Variants in CCDC6 observed in about 807,000 individuals in gnomAD.
The protein encoded by CCDC6 is coiled-coil domain-containing protein 6.
Under a neutral mutation model 56.6 loss-of-function variants are expected in CCDC6, and 20 were observed. The ratio of observed to expected loss-of-function variants is 0.35; its 90% CI spans 0.25 to 0.51. The LOEUF (loss-of-function observed/expected upper bound fraction) is 0.51. Among genes scored for constraint, CCDC6 ranks in the 20% least tolerant of loss-of-function variants. CCDC6 has a pLI of 0.95. For synonymous variants in CCDC6, 241 were observed against 234.4 expected (o/e 1.03, Z -0.26); for missense variants, 367 against 601.1 (o/e 0.61, Z 4.07).
At position 59,871,212 on chromosome 10, in the gene CCDC6, A is replaced by T. The variant is rs535266437; in HGVS notation, c.304-18510T>A. ...TTATGTATATAATTGTAAATATTTTAAAAATTAATAGAACTGTGTCTAAGA... is the reference window on the plus strand; with the variant it reads ...TTATGTATATAATTGTAAATATTTTTAAAATTAATAGAACTGTGTCTAAGA... On this transcript the variant is annotated intron_variant, in intron 1 of 8. Coordinates refer to ENST00000263102, the MANE Select transcript of CCDC6 (RefSeq NM_005436.5). Among the ~76,000 whole-genome samples the T allele has an allele frequency of 3.9e-5, 6 of 152,268 alleles. No individual in the cohort carries two copies. The East Asian group carries it at 1.2e-3, about 29-fold the overall frequency.
At chr10:59,865,979 G>A (rs2071173779) in intron 1 of CCDC6, among the ~76,000 whole-genome samples, 1 of 151,974 alleles carries the variant, frequency 6.6e-6, no homozygotes, top group African/African-American at 2.4e-5. Flanking sequence ...ACATGGGCAG[G>A]GTGAACCTCA....
At chr10:59,848,724 C>G (rs1025895070) in intron 2 of CCDC6, among the ~76,000 whole-genome samples, 2 of 152,146 alleles carry the variant, frequency 1.3e-5, no homozygotes, top group Non-Finnish European at 2.9e-5. Context: ...ATAATAAATT[C>G]TTTCTTTGAG....
intron 1 of CCDC6, among the ~76,000 whole-genome samples, chr10:59,880,848 T>C (rs373587545): frequency 1.4e-4 from 21 of 152,172 alleles, no homozygotes; most frequent in African/African-American, 4.8e-4. Flanking sequence ...TTACTGCTTG[T>C]ATTTAGCCTG....
intron 2 of CCDC6, among the ~76,000 whole-genome samples, chr10:59,833,354 CAA>C (rs1222022385): frequency 6.6e-6 from 1 of 152,046 alleles, no homozygotes; most frequent in Non-Finnish European, 1.5e-5. Context: ...GAGGCTGAGA[CAA>C]GAGAATCGCT....
chr10:59,815,941 T>C (rs1159944342), intron 3 of CCDC6, among the ~76,000 whole-genome samples: 6 of 152,152 alleles, frequency 3.9e-5, no homozygotes, highest in South Asian at 2.1e-4. Context: ...GAAAATAATA[T>C]CCAAAGTGCG....
intron 1 of CCDC6, among the ~76,000 whole-genome samples, chr10:59,898,531 A>G (rs901308910): frequency 2.6e-5 from 4 of 152,178 alleles, no homozygotes; most frequent in African/African-American, 9.7e-5. Flanking sequence ...TCCTGCATCC[A>G]TGTGTGTGTT....
intron 1 of CCDC6, among the ~76,000 whole-genome samples, chr10:59,890,381 C>T (rs549064088): frequency 1.1e-4 from 16 of 152,124 alleles, no homozygotes; most frequent in South Asian, 4.1e-4. Context: ...CAAAGAGCCC[C>T]GCAAAAGGAG....
chr10:59,896,284 GT>G (rs1200507594), intron 1 of CCDC6, among the ~76,000 whole-genome samples: 1 of 152,198 alleles, frequency 6.6e-6, no homozygotes, highest in East Asian at 1.9e-4. Flanking sequence ...TCTGTGAAGT[GT>G]TGGGGGTAAG....
chr10:59,876,091 T>TTTTTTTTTTTTTTTTC (rs1564754331), intron 1 of CCDC6, among the ~76,000 whole-genome samples: 26 of 146,272 alleles, frequency 1.8e-4, no homozygotes, highest in African/African-American at 6.7e-4. Context: ...TTTTTTTTTT[T>TTTTTTTTTTTTTTTTC]CAGATCGAGT....
intron 6 of CCDC6, among the ~76,000 whole-genome samples, chr10:59,805,956 C>T (rs2070618901): frequency 6.6e-6 from 1 of 152,140 alleles, no homozygotes; most frequent in South Asian, 2.1e-4. Flanking sequence ...TTGGACAGCA[C>T]GTATTGGCAT....
intron 1 of CCDC6, among the ~76,000 whole-genome samples, chr10:59,870,307 T>A (rs1192130528): frequency 2.0e-5 from 3 of 152,196 alleles, no homozygotes; most frequent in Non-Finnish European, 4.4e-5. Context: ...TTCAAAGCAC[T>A]GAGTCAAGTT....
At chr10:59,800,373 T>G (rs1448928562) in intron 7 of CCDC6, among the ~76,000 whole-genome samples, 1 of 152,244 alleles carries the variant, frequency 6.6e-6, no homozygotes, top group African/African-American at 2.4e-5. Flanking sequence ...TTTGTCACTT[T>G]GTGAATGTTG....
At chr10:59,808,390 A>G (rs1352703966) in intron 5 of CCDC6, among the ~76,000 whole-genome samples, 1 of 152,114 alleles carries the variant, frequency 6.6e-6, no homozygotes, top group African/African-American at 2.4e-5. Context: ...AAAAAGAAAA[A>G]CACGTCTTCC....
chr10:59,888,371 C>G (rs1052529641), intron 1 of CCDC6, among the ~76,000 whole-genome samples: 1 of 152,246 alleles, frequency 6.6e-6, no homozygotes, highest in Non-Finnish European at 1.5e-5. Context: ...CTGCTTCACA[C>G]AGGTGAAGTG....
At chr10:59,874,118 A>AACAC (rs55812153) in intron 1 of CCDC6, among the ~76,000 whole-genome samples, 1,698 of 148,296 alleles carry the variant, frequency 0.011, 13 homozygotes, top group East Asian at 0.019. Context: ...TTACCTAGCA[A>AACAC]ACACACACAC....
intron 1 of CCDC6, among the ~76,000 whole-genome samples, chr10:59,859,317 G>A (rs1292992655): frequency 6.6e-6 from 1 of 151,600 alleles, no homozygotes; most frequent in African/African-American, 2.4e-5. Context: ...AGTTATAGCA[G>A]AAACAATCTA....
chr10:59,902,568 G>A (rs774681753), intron 1 of CCDC6, among the ~76,000 whole-genome samples: 1 of 151,760 alleles, frequency 6.6e-6, no homozygotes, highest in Non-Finnish European at 1.5e-5. Flanking sequence ...TAATTTTTCT[G>A]TATTTTTTTC....
chr10:59,881,834 C>T (rs561222691), intron 1 of CCDC6, among the ~76,000 whole-genome samples: 1 of 152,256 alleles, frequency 6.6e-6, no homozygotes, highest in East Asian at 1.9e-4. Flanking sequence ...ATAGGGTAGA[C>T]GTAACCTCAA....
At chr10:59,837,228 A>C (rs553471656) in intron 2 of CCDC6, among the ~76,000 whole-genome samples, 1 of 152,226 alleles carries the variant, frequency 6.6e-6, no homozygotes, top group Non-Finnish European at 1.5e-5. Context: ...AGAGGCATTG[A>C]AAATCATTTA....
Sources: gnomAD v4.1 joint callset for allele counts (sites outside exome capture counted in the v4.1 genomes callset) on GRCh38, gnomAD v4.1.1 for gene constraint, MANE v1.5 for transcripts, NCBI Gene and HGNC (gene_info 2026-07-23, HGNC 2026-07-21) for gene names.